The following LRP6 variants were observed in gnomAD, a reference collection of about 807,000 sequenced individuals.
LRP6 encodes low-density lipoprotein receptor-related protein 6.
Under a neutral mutation model 184.1 loss-of-function variants are expected in LRP6, and 43 were observed. The ratio of observed to expected loss-of-function variants is 0.23; its 90% CI spans 0.18 to 0.30. The LOEUF is 0.30. Ranked by LOEUF, LRP6 falls within the 10% of genes least tolerant of loss-of-function variation. The pLI is 1.00. For synonymous variants in LRP6, 719 were observed against 684.9 expected (o/e 1.05, Z -0.78); for missense variants, 1,571 against 2,005.3 (o/e 0.78, Z 4.14).
At chr12:12,259,357 C>T (rs998356236) in intron 1 of LRP6, among the ~76,000 whole-genome samples, 3 of 151,162 alleles carry the variant, frequency 2.0e-5, no homozygotes, top group Admixed American at 6.6e-5. Flanking sequence ...ACTTACATAA[C>T]TTAATGTAGT....
intron 2 of LRP6, among the ~76,000 whole-genome samples, chr12:12,206,514 G>A (rs1488990416): frequency 6.9e-6 from 1 of 145,574 alleles, no homozygotes; most frequent in African/African-American, 2.6e-5. Context: ...CTGCATTCCA[G>A]CCTGGGCAAC....
chr12:12,142,130 C>T (rs953395657), intron 15 of LRP6, among the ~76,000 whole-genome samples: 2 of 152,138 alleles, frequency 1.3e-5, no homozygotes, highest in South Asian at 2.1e-4. Flanking sequence ...AGCATGGGAA[C>T]TGAGAGCAGC....
At chr12:12,236,241 A>C (rs1864930280) in intron 2 of LRP6, among the ~76,000 whole-genome samples, 1 of 152,108 alleles carries the variant, frequency 6.6e-6, no homozygotes, top group African/African-American at 2.4e-5. Flanking sequence ...TAAATAAATA[A>C]ATAAATAAAC....
At chr12:12,244,696 A>T in intron 1 of LRP6, 41 bp from the exon 2 acceptor site, 1 of 1,600,986 alleles carries the variant, frequency 6.2e-7, no homozygotes, top group Non-Finnish European at 8.5e-7. Context: ...AAAAGGAAGA[A>T]AACGTATTGG....
intron 1 of LRP6, among the ~76,000 whole-genome samples, chr12:12,249,965 T>C (rs578203847): frequency 6.6e-6 from 1 of 152,206 alleles, no homozygotes; most frequent in Non-Finnish European, 1.5e-5. Flanking sequence ...CCTTTTCCCC[T>C]AGTCTGACAA....
chr12:12,222,243 A>C (rs543930903), intron 2 of LRP6, among the ~76,000 whole-genome samples: 4 of 152,164 alleles, frequency 2.6e-5, no homozygotes, highest in Admixed American at 2.6e-4. Flanking sequence ...CCAATTTTAT[A>C]TATTTATAGC....
chr12:12,262,358 G>A (rs1466993492), intron 1 of LRP6, among the ~76,000 whole-genome samples: 2 of 151,980 alleles, frequency 1.3e-5, no homozygotes, highest in Non-Finnish European at 2.9e-5. Context: ...CAGCCTGGGC[G>A]ACAGGGTGAG....
In LRP6 at chr12:12,116,106, G is replaced by C. The variant is rs1472707859; in HGVS notation, c.*5020C>G. ...TTATTTATTGTAATAATCAAAAAAG[G>C]GGTTTATACAAGGTATTTTTATACA... On this transcript the variant is annotated 3_prime_UTR_variant, in exon 23 of 23. Coordinates refer to ENST00000261349, the MANE Select transcript of LRP6 (RefSeq NM_002336.3). The C allele has an allele frequency of 6.6e-6, 1 of 151,980 alleles. No homozygotes were observed. Among genetic ancestry groups the C allele is most frequent in the Non-Finnish European group, 1.5e-5 (1 of 68,002 alleles). The allele number at this position is 151,980 out of a possible 1,614,324, so 9.4% of individuals were successfully genotyped here.
chr12:12,185,285 TCAAAAAACAAA>T (rs1381566559), intron 4 of LRP6, among the ~76,000 whole-genome samples: 6 of 152,024 alleles, frequency 3.9e-5, no homozygotes, highest in Non-Finnish European at 7.4e-5. Flanking sequence ...AGACTCTATC[TCAAAAAACAAA>T]CAAAAAACAG....
chr12:12,224,856 A>G (rs1392281498), intron 2 of LRP6, among the ~76,000 whole-genome samples: 2 of 152,252 alleles, frequency 1.3e-5, no homozygotes, highest in African/African-American at 4.8e-5. Context: ...GACCAAGGAT[A>G]TAAATAAGGT....
At chr12:12,147,023 G>A (rs993778027) in intron 15 of LRP6, among the ~76,000 whole-genome samples, 2 of 152,126 alleles carry the variant, frequency 1.3e-5, no homozygotes, top group Non-Finnish European at 2.9e-5. Flanking sequence ...GCAGTGGCAG[G>A]TGCCTGTAGT....
chr12:12,157,029 A>G (rs1242028055), intron 12 of LRP6, among the ~76,000 whole-genome samples: 1 of 152,236 alleles, frequency 6.6e-6, no homozygotes, highest in East Asian at 1.9e-4. Flanking sequence ...AGAGCTGGGC[A>G]GAGTTCAGCA....
chr12:12,174,539 T>C (rs978185444), intron 7 of LRP6, among the ~76,000 whole-genome samples: 10 of 152,234 alleles, frequency 6.6e-5, no homozygotes, highest in Non-Finnish European at 1.2e-4. Context: ...TTTATTATAA[T>C]TTCTTAATGA....
chr12:12,252,368 A>T (rs1865344584), intron 1 of LRP6, among the ~76,000 whole-genome samples: 2 of 152,236 alleles, frequency 1.3e-5, no homozygotes. Context: ...TTTACCTTGT[A>T]AAAGAGAGAT....
At chr12:12,151,555 C>A (rs1012794535) in intron 12 of LRP6, among the ~76,000 whole-genome samples, 3 of 151,956 alleles carry the variant, frequency 2.0e-5, no homozygotes, top group Admixed American at 2.0e-4. Context: ...CCTCTCTAGG[C>A]CAAAGTTTAC....
At position 12,148,973 on chromosome 12, in the gene LRP6, G is replaced by A. The variant is rs1459652004; in HGVS notation, c.3175C>T (p.Pro1059Ser). The A allele has an allele frequency of 6.2e-7, 1 of 1,613,556 alleles. No individual in the cohort carries two copies. Among genetic ancestry groups the A allele is most frequent in the African/African-American group, 1.3e-5 (1 of 74,874 alleles). Residue 1059 changes from proline (P) to serine (S), a missense_variant, in exon 14 of 23, where the codon CCT (proline) becomes TCT (serine). Physicochemically the swap from Pro to Ser is moderately conservative, Grantham distance 74. This residue lies in a region of LRP6 where 763 missense variants were observed against 859.5 expected (regional missense o/e 0.89). Coordinates refer to ENST00000261349, the MANE Select transcript of LRP6 (RefSeq NM_002336.3). Reference protein sequence around the residue: ...GVVLKGEQDRPRAVVVNPEKG... With the variant: ...GVVLKGEQDRSRAVVVNPEKG... Reference sequence around the variant, plus strand: ...TCTGGGTTTACCACAACGGCTCGAGGTCTGTCCTGCTCGCCTTTCAGCACC... The same window carrying A: ...TCTGGGTTTACCACAACGGCTCGAGATCTGTCCTGCTCGCCTTTCAGCACC...
chr12:12,221,687 AG>A (rs1312000598), intron 2 of LRP6, among the ~76,000 whole-genome samples: 1 of 152,230 alleles, frequency 6.6e-6, no homozygotes, highest in East Asian at 1.9e-4. Flanking sequence ...ACCAGTGAAG[AG>A]GAACATAATG....
At chr12:12,229,261 T>G (rs1864712337) in intron 2 of LRP6, among the ~76,000 whole-genome samples, 1 of 151,614 alleles carries the variant, frequency 6.6e-6, no homozygotes, top group South Asian at 2.1e-4. Flanking sequence ...TCCCAGCTAC[T>G]TGGGAGGCTG....
intron 2 of LRP6, among the ~76,000 whole-genome samples, chr12:12,219,233 C>G (rs1158374145): frequency 1.3e-5 from 2 of 152,192 alleles, no homozygotes; most frequent in Non-Finnish European, 2.9e-5. Context: ...TTGAGACAGT[C>G]TCACTCTGTC....
Sources: allele counts gnomAD v4.1 joint callset (sites outside exome capture counted in the v4.1 genomes callset), GRCh38; gene constraint gnomAD v4.1.1; regional missense constraint gnomAD v4.1.1; transcripts MANE v1.5; gene names NCBI Gene and HGNC (gene_info 2026-07-23, HGNC 2026-07-21).